CSMD1: variants seen among roughly 807,000 people sequenced by gnomAD.
CSMD1 encodes CUB and sushi domain-containing protein 1.
Under a neutral mutation model 417.5 loss-of-function variants are expected in CSMD1, and 213 were observed. That is an observed-to-expected ratio of 0.51 (90% CI 0.46 to 0.57). The LOEUF is 0.57. CSMD1 is among the 20% of genes least tolerant of loss of function. The pLI, the probability that CSMD1 is intolerant of heterozygous loss-of-function variation, is 0.00. For missense variants in CSMD1, 6,923 were observed against 4,529.7 expected, an observed-to-expected ratio of 1.53 and a Z score of -15.17; for synonymous variants, 2,862 against 1,736.8, an observed-to-expected ratio of 1.65 and a Z score of -16.11.
intron 5 of CSMD1, among the ~76,000 whole-genome samples, chr8:3,944,856 A>C (rs1374574796): frequency 6.6e-6 from 1 of 152,174 alleles, no homozygotes; most frequent in Non-Finnish European, 1.5e-5. Flanking sequence ...AGTTGGCCAC[A>C]GCTCTGACAG....
At chr8:4,158,680 T>C (rs1486348546) in intron 3 of CSMD1, among the ~76,000 whole-genome samples, 2 of 152,134 alleles carry the variant, frequency 1.3e-5, no homozygotes, top group South Asian at 2.1e-4. Flanking sequence ...ATGAGTATTA[T>C]GGGCCAGCAG....
chr8:4,901,860 T>G (rs1804892813), intron 1 of CSMD1, among the ~76,000 whole-genome samples: 1 of 151,952 alleles, frequency 6.6e-6, no homozygotes, highest in Non-Finnish European at 1.5e-5. Context: ...GATGATGACA[T>G]ATATATACAC....
chr8:4,163,323 G>C (rs544722794), intron 3 of CSMD1, among the ~76,000 whole-genome samples: 128 of 152,282 alleles, frequency 8.4e-4, no homozygotes, highest in African/African-American at 3.0e-3. Context: ...GTCTTCCAAA[G>C]TGGCTGTTCC....
chr8:4,127,129 C>A (rs66503142), intron 3 of CSMD1, among the ~76,000 whole-genome samples: 65,262 of 151,702 alleles, frequency 0.43, 14,134 homozygotes, highest in Admixed American at 0.43. Context: ...AGAAATGCTT[C>A]TCTGATCCAT....
chr8:4,947,527 G>C (rs979218365), intron 1 of CSMD1, among the ~76,000 whole-genome samples: 3 of 152,084 alleles, frequency 2.0e-5, no homozygotes, highest in Non-Finnish European at 4.4e-5. Context: ...CCCACATGTG[G>C]TCAGAAAGGT....
At chr8:3,678,947 A>T (rs1188330541) in intron 7 of CSMD1, among the ~76,000 whole-genome samples, 1 of 152,116 alleles carries the variant, frequency 6.6e-6, no homozygotes, top group East Asian at 1.9e-4. Flanking sequence ...AAGCTTCATA[A>T]GTGAAGAAAT....
chr8:3,094,150 G>C (rs913708448), intron 47 of CSMD1, among the ~76,000 whole-genome samples: 3 of 151,330 alleles, frequency 2.0e-5, no homozygotes, highest in African/African-American at 7.3e-5. Context: ...CTGCCTTCCA[G>C]GCTGGAGTGC....
intron 49 of CSMD1, among the ~76,000 whole-genome samples, chr8:3,079,657 T>G (rs1813940593): frequency 6.6e-6 from 1 of 152,174 alleles, no homozygotes; most frequent in Non-Finnish European, 1.5e-5. Context: ...TTTTAAAAAT[T>G]TTGTATAAAG....
At chr8:3,847,082 C>G (rs1004845420) in intron 5 of CSMD1, among the ~76,000 whole-genome samples, 2 of 152,116 alleles carry the variant, frequency 1.3e-5, no homozygotes, top group Admixed American at 6.6e-5. Flanking sequence ...TGGGGGAAGG[C>G]AGGATCCTAA....
chr8:4,855,836 C>T (rs1377082862), intron 1 of CSMD1, among the ~76,000 whole-genome samples: 5 of 151,528 alleles, frequency 3.3e-5, no homozygotes, highest in Admixed American at 6.6e-5. Flanking sequence ...TTGGAAAACA[C>T]TCTGCAGGAT....
intron 3 of CSMD1, among the ~76,000 whole-genome samples, chr8:4,038,367 T>C (rs577172330): frequency 6.6e-6 from 1 of 152,302 alleles, no homozygotes; most frequent in South Asian, 2.1e-4. Flanking sequence ...CAAAAAAACT[T>C]GTAAATTGTA....
chr8:3,309,272 C>G (rs193245549), intron 23 of CSMD1, among the ~76,000 whole-genome samples: 4 of 152,196 alleles, frequency 2.6e-5, no homozygotes, highest in Admixed American at 6.5e-5. Context: ...AAGACCCGCC[C>G]ACCTTCCCGA....
chr8:3,942,226 A>G (rs1313001518), intron 5 of CSMD1, among the ~76,000 whole-genome samples: 2 of 152,036 alleles, frequency 1.3e-5, no homozygotes, highest in African/African-American at 4.8e-5. Context: ...TTTTCATCAT[A>G]TATTACTGTG....
At chr8:4,805,555 A>C (rs1221382854) in intron 1 of CSMD1, among the ~76,000 whole-genome samples, 1 of 152,066 alleles carries the variant, frequency 6.6e-6, no homozygotes, top group Non-Finnish European at 1.5e-5. Flanking sequence ...TTCCCCTCTC[A>C]CTTGCTCTAA....
At chr8:4,460,433 G>T (rs1250185025) in intron 2 of CSMD1, among the ~76,000 whole-genome samples, 1 of 152,014 alleles carries the variant, frequency 6.6e-6, no homozygotes. Context: ...CCTGGAAAAA[G>T]TACAAGCTAA....
intron 3 of CSMD1, among the ~76,000 whole-genome samples, chr8:4,205,697 C>A (rs570477984): frequency 2.6e-5 from 4 of 152,180 alleles, no homozygotes; most frequent in African/African-American, 9.6e-5. Context: ...AAAGTTTCTT[C>A]CTACCAAATA....
At chr8:3,960,975 C>A (rs1016154377) in intron 5 of CSMD1, among the ~76,000 whole-genome samples, 34 of 151,870 alleles carry the variant, frequency 2.2e-4, no homozygotes, top group Non-Finnish European at 5.0e-4. Flanking sequence ...GATTTAAATT[C>A]TTTTAAAAAT....
intron 3 of CSMD1, among the ~76,000 whole-genome samples, chr8:4,385,711 G>T (rs186776413): frequency 6.6e-6 from 1 of 152,072 alleles, no homozygotes; most frequent in Non-Finnish European, 1.5e-5. Context: ...TTTTTATAGA[G>T]AAAATTCAAC....
At chr8:3,871,054 A>C (rs917424870) in intron 5 of CSMD1, among the ~76,000 whole-genome samples, 1 of 152,042 alleles carries the variant, frequency 6.6e-6, no homozygotes, top group African/African-American at 2.4e-5. Flanking sequence ...TTTGTGTATT[A>C]TTCCATGACT....
Sources: allele counts gnomAD v4.1 joint callset (sites outside exome capture counted in the v4.1 genomes callset), GRCh38; gene constraint gnomAD v4.1.1; transcripts MANE v1.5; gene names NCBI Gene and HGNC (gene_info 2026-07-23, HGNC 2026-07-21).